TTC39B: variants seen among roughly 807,000 people sequenced by gnomAD.
TTC39B encodes the protein tetratricopeptide repeat protein 39B.
TTC39B carries 92 observed loss-of-function variants against 96.6 expected under a neutral mutation model. The observed-to-expected ratio is 0.95, with a 90% CI of 0.80 to 1.13. TTC39B has a LOEUF of 1.13. Among genes scored for constraint, TTC39B ranks in the 50% most tolerant of loss-of-function variants. The pLI is 0.00. For synonymous variants in TTC39B, 367 were observed against 299.4 expected, an observed-to-expected ratio of 1.23 and a Z score of -2.33; for missense variants, 955 against 809.3, an observed-to-expected ratio of 1.18 and a Z score of -2.18.
At position 15,220,758 on chromosome 9, in the gene TTC39B, T is replaced by A. The variant is rs987104503; in HGVS notation, c.371+5159A>T. 3.9e-5 allele frequency among the ~76,000 whole-genome samples: 6 copies of A among 151,932 alleles called. No homozygotes were observed. In the South Asian group the frequency reaches 1.3e-3, roughly 32 times the overall value. On this transcript the variant is annotated intron_variant, in intron 3 of 19. Coordinates refer to ENST00000512701, the Ensembl canonical transcript of TTC39B. ...GTATAACCAGTTCCCCTAGATAACA[T>A]CTTACATAACACTTTTGAAGGGTGC... is the stretch of plus-strand genomic sequence containing the variant.
At chr9:15,226,526 G>C (rs1292137252) in intron 2 of TTC39B, among the ~76,000 whole-genome samples, 1 of 152,064 alleles carries the variant, frequency 6.6e-6, no homozygotes, top group Non-Finnish European at 1.5e-5. Flanking sequence ...AGGCATGTAG[G>C]TTACTCCCAA....
intron 7 of TTC39B, among the ~76,000 whole-genome samples, chr9:15,202,840 C>A (rs1819622994): frequency 6.6e-6 from 1 of 152,002 alleles, no homozygotes; most frequent in Non-Finnish European, 1.5e-5. Flanking sequence ...CTGTAGCCAT[C>A]ACTACCACCC....
At chr9:15,263,939 G>A (rs908455212) in intron 2 of TTC39B, among the ~76,000 whole-genome samples, 1 of 152,202 alleles carries the variant, frequency 6.6e-6, no homozygotes, top group African/African-American at 2.4e-5. Flanking sequence ...AAAAGAGCAA[G>A]ATACATTCTA....
At chr9:15,197,244 C>A (rs187267713) in intron 8 of TTC39B, among the ~76,000 whole-genome samples, 190 of 152,246 alleles carry the variant, frequency 1.2e-3, no homozygotes, top group African/African-American at 4.4e-3. Flanking sequence ...CCTCTACAGT[C>A]CTATTTTAAT....
intron 17 of TTC39B, among the ~76,000 whole-genome samples, chr9:15,181,427 T>C (rs889410398): frequency 2.6e-5 from 4 of 152,120 alleles, no homozygotes; most frequent in African/African-American, 7.2e-5. Flanking sequence ...AATCAAAAAA[T>C]GTCAGGGCAA....
At chr9:15,214,423 A>G (rs897142699) in intron 3 of TTC39B, among the ~76,000 whole-genome samples, 174 bp from the exon 4 acceptor site, 1 of 151,770 alleles carries the variant, frequency 6.6e-6, no homozygotes, top group Admixed American at 6.6e-5. Flanking sequence ...ATAGGAAAAA[A>G]ATGTGCTTCA....
chr9:15,267,685 ATATTT>A (rs1195757729), intron 2 of TTC39B, among the ~76,000 whole-genome samples: 3 of 152,192 alleles, frequency 2.0e-5, no homozygotes, highest in African/African-American at 7.2e-5. Context: ...TTGTTGAGAA[ATATTT>A]TATTTTGTTA....
At chr9:15,305,983 G>C (rs761181281) in intron 1 of TTC39B, among the ~76,000 whole-genome samples, 2 of 152,084 alleles carry the variant, frequency 1.3e-5, no homozygotes, top group Non-Finnish European at 2.9e-5. Flanking sequence ...CTGTCATGCA[G>C]AGGAGCTGTA....
At chr9:15,186,396 T>C (rs561825663) in intron 15 of TTC39B, among the ~76,000 whole-genome samples, 24 of 152,244 alleles carry the variant, frequency 1.6e-4, no homozygotes, top group Admixed American at 5.2e-4. Flanking sequence ...GAAGAGACCA[T>C]TCATTGTTAG....
At chr9:15,163,996 T>C (rs1352188041) in exon 20 of TTC39B, 3 of 152,240 alleles carry the variant, frequency 2.0e-5, no homozygotes, top group African/African-American at 7.2e-5. Context: ...ACAGTTTTTA[T>C]GTTAAAAATA....
chr9:15,172,206 T>A, intron 19 of TTC39B, 97 bp from the exon 20 acceptor site: 1 of 796,192 alleles, frequency 1.3e-6, no homozygotes, highest in Non-Finnish European at 2.0e-6. Flanking sequence ...TTACTTACTT[T>A]CAAACTCTAA....
chr9:15,234,395 A>G lies in TTC39B; in HGVS notation c.276-8383T>C, dbSNP rs368675073. Among the ~76,000 whole-genome samples the G allele has an allele frequency of 2.9e-3, 205 of 71,402 alleles. 2 individuals carry two copies. In the East Asian group the frequency reaches 0.037, roughly 13 times the overall value. 46.8% of individuals were successfully genotyped at this position (71,402 alleles called of 152,430 possible). ...CCCCGCCCGGCCAGCTGCCCCATCCAGGAGGGAGGTGGGGGGGTCAGCCCC... is the reference window on the plus strand; with the variant it reads ...CCCCGCCCGGCCAGCTGCCCCATCCGGGAGGGAGGTGGGGGGGTCAGCCCC... On this transcript the variant is annotated intron_variant, in intron 2 of 19. Coordinates refer to ENST00000512701, the Ensembl canonical transcript of TTC39B.
At chr9:15,243,248 A>G (rs1822125742) in intron 2 of TTC39B, among the ~76,000 whole-genome samples, 1 of 152,220 alleles carries the variant, frequency 6.6e-6, no homozygotes, top group Non-Finnish European at 1.5e-5. Flanking sequence ...TACCCCTCCC[A>G]CATCTCCCAG....
At chr9:15,214,087 T>G (rs1015666600) in intron 4 of TTC39B, 52 bp downstream of exon 4, 3 of 1,356,258 alleles carry the variant, frequency 2.2e-6, no homozygotes, top group Non-Finnish European at 1.0e-6. Context: ...CATCAAAGAA[T>G]CATCAGAAAC....
intron 2 of TTC39B, among the ~76,000 whole-genome samples, chr9:15,239,592 G>C (rs1821947156): frequency 6.6e-6 from 1 of 152,172 alleles, no homozygotes; most frequent in Admixed American, 6.5e-5. Flanking sequence ...GCCACAAAAA[G>C]GAATGAAATC....
intron 1 of TTC39B, among the ~76,000 whole-genome samples, chr9:15,274,802 A>T (rs1432356098): frequency 6.6e-6 from 1 of 152,218 alleles, no homozygotes; most frequent in Non-Finnish European, 1.5e-5. Context: ...TTTTTAATAG[A>T]CTTAGAAAAA....
At chr9:15,251,159 G>A (rs1201088980) in intron 2 of TTC39B, among the ~76,000 whole-genome samples, 1 of 151,984 alleles carries the variant, frequency 6.6e-6, no homozygotes, top group East Asian at 1.9e-4. Flanking sequence ...TTGCGCCACT[G>A]CACTCTGCCC....
In TTC39B at chr9:15,174,896, A is replaced by G. The variant is rs753921487; in HGVS notation, c.1958+123T>C. ...CATAAATCAACCAGAAGTTAGCAAAAGTAGCATTATTACTAATTTGACATT... is the reference window on the plus strand; with the variant it reads ...CATAAATCAACCAGAAGTTAGCAAAGGTAGCATTATTACTAATTTGACATT... On this transcript the variant is annotated intron_variant, in intron 19 of 19. Coordinates refer to ENST00000512701, the Ensembl canonical transcript of TTC39B. 32 of 714,848 alleles carry G rather than the reference A, an allele frequency of 4.5e-5. 1 individual carries two copies. Among genetic ancestry groups the G allele is most frequent in the Middle Eastern group, 4.9e-4 (2 of 4,068 alleles). 44.3% of individuals were successfully genotyped at this position (714,848 alleles called of 1,614,324 possible). A position where few individuals can be genotyped will look rare whatever the true frequency, so the allele number is the denominator to read the frequency against.
intron 8 of TTC39B, among the ~76,000 whole-genome samples, chr9:15,198,141 T>C (rs905748263): frequency 2.0e-5 from 3 of 152,094 alleles, no homozygotes; most frequent in Non-Finnish European, 4.4e-5. Flanking sequence ...TTAAAATATA[T>C]GTAAATCTGC....
Sources: allele counts gnomAD v4.1 joint callset (sites outside exome capture counted in the v4.1 genomes callset), GRCh38; gene constraint gnomAD v4.1.1; transcripts MANE v1.5; gene names NCBI Gene and HGNC (gene_info 2026-07-23, HGNC 2026-07-21).